The following COL14A1 variants were observed in gnomAD, a reference collection of about 807,000 sequenced individuals.
The protein encoded by COL14A1 is collagen alpha-1(XIV) chain.
A neutral mutation model predicts 230.3 loss-of-function variants in COL14A1; 136 were observed. That is an observed-to-expected ratio of 0.59 (90% CI 0.51 to 0.68). The LOEUF (loss-of-function observed/expected upper bound fraction) is 0.68, where lower values mean the gene tolerates loss of function less well. Ranked by LOEUF, COL14A1 falls within the 30% of genes least tolerant of loss-of-function variation. COL14A1 has a pLI of 0.00. For synonymous variants in COL14A1, 792 were observed against 784.1 expected (o/e 1.01, Z -0.17); for missense variants, 1,976 against 2,215.8 (o/e 0.89, Z 2.17).
chr8:120,142,967 T>C lies in COL14A1; in HGVS notation c.-37-4839T>C, dbSNP rs143202365. ...ATCAGAGATTTAACTACGTGAGTCA[T>C]GTTACTTTGAAAGTTTACGTAACTA... On this transcript the variant is annotated intron_variant, in intron 1 of 47. Coordinates refer to ENST00000297848, the MANE Select transcript of COL14A1 (RefSeq NM_021110.4). Among the ~76,000 whole-genome samples, 453 of 152,350 alleles carry C rather than the reference T, an allele frequency of 3.0e-3. 4 individuals are homozygous for C. The highest frequency in any genetic ancestry group is 0.011 in the African/African-American group (438 of 41,592).
intron 4 of COL14A1, among the ~76,000 whole-genome samples, chr8:120,166,928 GATGA>G (rs1229308623): frequency 1.3e-4 from 19 of 148,376 alleles, no homozygotes; most frequent in African/African-American, 3.6e-4. Context: ...GTGTGGTGGT[GATGA>G]TGGTGGTGGT....
intron 11 of COL14A1, among the ~76,000 whole-genome samples, chr8:120,209,175 G>A (rs1010434033): frequency 1.3e-5 from 2 of 152,024 alleles, no homozygotes; most frequent in African/African-American, 2.4e-5. Context: ...GTTTTAGTGA[G>A]CCTGGGCAAC....
chr8:120,261,183 T>C lies in COL14A1; in HGVS notation c.2870-1685T>C, dbSNP rs561449195. 1.9e-3 allele frequency among the ~76,000 whole-genome samples: 284 copies of C among 152,310 alleles called. 1 individual carries two copies. The highest frequency in any genetic ancestry group is 3.4e-3 in the Non-Finnish European group (234 of 68,014). ...CCTGATTTGATCATTGTACATTGTA[T>C]AGAGGTATGAAAATATCACACAAAC... On this transcript the variant is annotated intron_variant, in intron 23 of 47. Transcript: ENST00000297848.
intron 5 of COL14A1, among the ~76,000 whole-genome samples, chr8:120,185,614 G>C (rs536246964): frequency 2.0e-4 from 31 of 152,180 alleles, no homozygotes; most frequent in Non-Finnish European, 4.3e-4. Context: ...TAGTGAGCTA[G>C]TATTGCGCCA....
chr8:120,238,790 C>G (rs1205519384), intron 19 of COL14A1, among the ~76,000 whole-genome samples: 1 of 152,282 alleles, frequency 6.6e-6, no homozygotes, highest in East Asian at 1.9e-4. Flanking sequence ...GTGGGAAAAG[C>G]ATAGTATCTG....
chr8:120,294,191 T>C (rs941557501), intron 34 of COL14A1, among the ~76,000 whole-genome samples: 13 of 151,798 alleles, frequency 8.6e-5, no homozygotes, highest in Non-Finnish European at 1.5e-4. Context: ...AATTTGGCAC[T>C]GAGTGGAAAA....
At position 120,314,827 on chromosome 8, in the gene COL14A1, CT is replaced by C. The variant is rs112836349; in HGVS notation, c.4552-702del. Among the ~76,000 whole-genome samples the C allele has an allele frequency of 4.3e-3, 648 of 152,260 alleles. 3 individuals are homozygous for C. The highest frequency in any genetic ancestry group is 0.014 in the African/African-American group (583 of 41,560). ...TACTACATGCCAGATTCTGTGTTTG[CT>C]TTTCCCTTCTTATATTCCATTTAAG... On this transcript the variant is annotated intron_variant, in intron 38 of 47. Transcript: ENST00000297848.
chr8:120,142,452 T>C (rs1814946110), intron 1 of COL14A1, among the ~76,000 whole-genome samples: 2 of 152,230 alleles, frequency 1.3e-5, no homozygotes, highest in African/African-American at 2.4e-5. Context: ...CCATAGTTCA[T>C]CAACTTTTAC....
At chr8:120,332,843 G>A (rs1821918781) in intron 42 of COL14A1, 108 bp downstream of exon 42, 1 of 776,430 alleles carries the variant, frequency 1.3e-6, no homozygotes, top group South Asian at 2.0e-5. Context: ...ATTCAGCACT[G>A]GACTCTATGG....
Position 120,285,916 on chromosome 8 carries a change from T to G in COL14A1, c.4023T>G (p.Thr1341=), listed in dbSNP as rs1563717653. The part of the protein sequence containing the change: ...FNYDQSGDFQ[T]VTFEGPEIRK... ...ATGACCAGAGTGGGGATTTTCAAACTGTTACTTTCGAAGGACCTGAAATTA... is the reference window on the plus strand; with the variant it reads ...ATGACCAGAGTGGGGATTTTCAAACGGTTACTTTCGAAGGACCTGAAATTA... The change falls in exon 33 of 48, where the codon ACT becomes ACG. Residue 1341 remains threonine, a synonymous_variant. Coordinates refer to ENST00000297848, the MANE Select transcript of COL14A1 (RefSeq NM_021110.4). The G allele has an allele frequency of 6.2e-7, 1 of 1,612,402 alleles. No individual in the cohort carries two copies. The highest frequency in any genetic ancestry group is 8.5e-7 in the Non-Finnish European group (1 of 1,178,630).
chr8:120,127,915 A>C (rs1439960402), intron 1 of COL14A1, among the ~76,000 whole-genome samples: 1 of 152,180 alleles, frequency 6.6e-6, no homozygotes, highest in Non-Finnish European at 1.5e-5. Context: ...CTGAGTTAAC[A>C]AATTATCTGG....
At chr8:120,321,789 A>T (rs1252276125) in intron 40 of COL14A1, among the ~76,000 whole-genome samples, 1 of 152,156 alleles carries the variant, frequency 6.6e-6, no homozygotes, top group Non-Finnish European at 1.5e-5. Context: ...GCAGTTTCCT[A>T]ACTTAAGTCA....
rs111698238 is a variant in COL14A1 at position 120,282,126 on chromosome 8, C to T, written c.3824+1067C>T. 6.1e-3 allele frequency among the ~76,000 whole-genome samples: 934 copies of T among 152,224 alleles called. 10 individuals carry two copies. Among genetic ancestry groups the T allele is most frequent in the African/African-American group, 0.021 (878 of 41,536 alleles). On this transcript the variant is annotated intron_variant, in intron 31 of 47. Transcript: ENST00000297848. ...TAGACTGGATTAAGAAAATGTGGCA[C>T]ATATACACCATGGAATACTATGCAG...
At chr8:120,137,091 A>G (rs999006929) in intron 1 of COL14A1, among the ~76,000 whole-genome samples, 2 of 151,392 alleles carry the variant, frequency 1.3e-5, no homozygotes, top group Admixed American at 6.6e-5. Context: ...GCCATCTGGG[A>G]CTGTAATTTT....
intron 8 of COL14A1, among the ~76,000 whole-genome samples, 156 bp from the exon 9 acceptor site, chr8:120,203,553 G>C (rs1051388366): frequency 6.6e-6 from 1 of 151,876 alleles, no homozygotes; most frequent in African/African-American, 2.4e-5. Flanking sequence ...TTTCGTGTGC[G>C]CATTTTAAAT....
chr8:120,300,684 TG>T (rs1386469664), intron 35 of COL14A1, 47 bp from the exon 36 acceptor site: 3 of 1,416,904 alleles, frequency 2.1e-6, no homozygotes, highest in Non-Finnish European at 2.0e-6. Flanking sequence ...TAAAGCCATT[TG>T]TATAAACTGG....
At chr8:120,295,506 G>A (rs936286598) in intron 34 of COL14A1, among the ~76,000 whole-genome samples, 1 of 151,780 alleles carries the variant, frequency 6.6e-6, no homozygotes, top group Admixed American at 6.6e-5. Flanking sequence ...TTCTGCAAAT[G>A]TTTGTTGCTA....
intron 34 of COL14A1, among the ~76,000 whole-genome samples, chr8:120,291,577 A>AAAC (rs1202152673): frequency 4.6e-5 from 7 of 151,058 alleles, no homozygotes; most frequent in African/African-American, 1.7e-4. Flanking sequence ...AAAAAAAAAA[A>AAAC]AAAACCAAAA....
At chr8:120,257,678 A>G (rs1317026917) in intron 23 of COL14A1, among the ~76,000 whole-genome samples, 1 of 152,138 alleles carries the variant, frequency 6.6e-6, no homozygotes, top group African/African-American at 2.4e-5. Flanking sequence ...TTTGACTGTA[A>G]TATTGGCTAC....
Sources: gnomAD v4.1 joint callset for allele counts (sites outside exome capture counted in the v4.1 genomes callset) on GRCh38, gnomAD v4.1.1 for gene constraint, MANE v1.5 for transcripts, NCBI Gene and HGNC (gene_info 2026-07-23, HGNC 2026-07-21) for gene names.